The following ARHGEF10L variants were observed in gnomAD, a reference collection of about 807,000 sequenced individuals.
ARHGEF10L encodes rho guanine nucleotide exchange factor 10-like protein.
Under a neutral mutation model 141.2 loss-of-function variants are expected in ARHGEF10L, and 69 were observed. The ratio of observed to expected loss-of-function variants is 0.49; its 90% CI spans 0.40 to 0.60. The LOEUF is 0.60. ARHGEF10L is among the 20% of genes least tolerant of loss of function. ARHGEF10L has a pLI of 0.00. For missense variants in ARHGEF10L, 1,482 were observed against 1,734.3 expected (o/e 0.85, Z 2.58); for synonymous variants, 711 against 718.5 (o/e 0.99, Z 0.17).
intron 4 of ARHGEF10L, among the ~76,000 whole-genome samples, chr1:17,597,151 C>T (rs1056525594): frequency 4.6e-5 from 7 of 152,192 alleles, no homozygotes; most frequent in Non-Finnish European, 8.8e-5. Context: ...TCTCCTGCCC[C>T]TCACCATGGA....
intron 2 of ARHGEF10L, among the ~76,000 whole-genome samples, chr1:17,582,557 C>A (rs528843533): frequency 3.3e-5 from 5 of 152,310 alleles, no homozygotes; most frequent in African/African-American, 1.2e-4. Flanking sequence ...TCTTCAGCAC[C>A]CCCGGGGCAC....
intron 4 of ARHGEF10L, among the ~76,000 whole-genome samples, chr1:17,597,120 G>A (rs2080186979): frequency 6.6e-6 from 1 of 152,122 alleles, no homozygotes. Flanking sequence ...TTCTGCATCT[G>A]CTTCTGCCTT....
chr1:17,571,422 C>T (rs946909359), intron 1 of ARHGEF10L, among the ~76,000 whole-genome samples: 13 of 152,008 alleles, frequency 8.6e-5, no homozygotes, highest in African/African-American at 2.9e-4. Flanking sequence ...GGACAGGAGA[C>T]GGAGCATGGG....
chr1:17,695,922 C>T (rs546305193), intron 28 of ARHGEF10L, among the ~76,000 whole-genome samples: 92 of 152,042 alleles, frequency 6.1e-4, no homozygotes, highest in Non-Finnish European at 5.9e-4. Context: ...TTTGGCTGGG[C>T]GCGGTGGCTC....
intron 10 of ARHGEF10L, among the ~76,000 whole-genome samples, chr1:17,620,519 T>C (rs1054032416): frequency 7.2e-5 from 11 of 152,194 alleles, no homozygotes; most frequent in African/African-American, 2.4e-4. Flanking sequence ...CTGGGGATTG[T>C]TGACAATGGA....
intron 26 of ARHGEF10L, among the ~76,000 whole-genome samples, chr1:17,672,599 G>T (rs1027934657): frequency 2.6e-5 from 4 of 152,124 alleles, no homozygotes; most frequent in Non-Finnish European, 5.9e-5. Flanking sequence ...TGTCATTGTG[G>T]TTGTCACCCT....
At chr1:17,620,992 C>A (rs10218654) in intron 10 of ARHGEF10L, among the ~76,000 whole-genome samples, 1 of 152,014 alleles carries the variant, frequency 6.6e-6, no homozygotes, top group Non-Finnish European at 1.5e-5. Flanking sequence ...CCATGCTCGA[C>A]GGGGTACTGC....
chr1:17,600,392 C>T (rs1018214775), intron 4 of ARHGEF10L, among the ~76,000 whole-genome samples: 18 of 152,136 alleles, frequency 1.2e-4, no homozygotes, highest in African/African-American at 4.1e-4. Flanking sequence ...CATAAGTGGT[C>T]TTTGGTCTTT....
chr1:17,633,370 A>T (rs190595347), intron 16 of ARHGEF10L, among the ~76,000 whole-genome samples: 1 of 152,082 alleles, frequency 6.6e-6, no homozygotes. Flanking sequence ...TTGAGATGGA[A>T]TCTTGCTCTG....
chr1:17,598,166 A>G (rs1217743265), intron 4 of ARHGEF10L, among the ~76,000 whole-genome samples: 1 of 150,134 alleles, frequency 6.7e-6, no homozygotes, highest in African/African-American at 2.5e-5. Flanking sequence ...CAGTGGCACG[A>G]TCTCAGCTCA....
chr1:17,525,404 C>G, the ARHGEF10L span, among the ~76,000 whole-genome samples: 1 of 152,182 alleles, frequency 6.6e-6, no homozygotes, highest in African/African-American at 2.4e-5. Context: ...GCCTCTGCTC[C>G]CCACGCCATT....
rs144849203 is a variant in ARHGEF10L at position 17,592,509 on chromosome 1, C to G, written c.257+4030C>G. Among the ~76,000 whole-genome samples, 59 of 152,258 alleles carry G rather than the reference C, an allele frequency of 3.9e-4. 1 individual carries two copies. In the East Asian group the frequency reaches 0.01, roughly 27 times the overall value. ...GGGAGAGGACAGGGAGACTCATCTT[C>G]CCTGGATGTATCAGGGGCTGAGAGG... is the stretch of plus-strand genomic sequence containing the variant. On this transcript the variant is annotated intron_variant, in intron 4 of 28. Transcript: ENST00000361221.
chr1:17,634,395 TG>T, intron 16 of ARHGEF10L, 152 bp from the exon 17 acceptor site: 1 of 1,246,592 alleles, frequency 8.0e-7, no homozygotes, highest in Non-Finnish European at 1.2e-6. Context: ...TGTCCACACC[TG>T]GCCTCTGATG....
chr1:17,606,506 C>A (rs569087693), intron 6 of ARHGEF10L, among the ~76,000 whole-genome samples: 48 of 151,882 alleles, frequency 3.2e-4, no homozygotes, highest in African/African-American at 1.2e-3. Context: ...GTTGGCCAGG[C>A]TGGTCTTGAA....
chr1:17,567,374 A>AT lies in ARHGEF10L; in HGVS notation c.-43-13169dup, dbSNP rs981833369. On this transcript the variant is annotated intron_variant, in intron 1 of 28. Transcript: ENST00000361221. ...GTTTGCTGTCCCTAAATTGAGCAGA[A>AT]TTTTTTTTTTGAGATGTAGTCTCAC... Among the ~76,000 whole-genome samples the AT allele has an allele frequency of 3.1e-3, 463 of 150,600 alleles. 4 individuals are homozygous for AT. Among genetic ancestry groups the AT allele is most frequent in the African/African-American group, 9.3e-3 (380 of 41,034 alleles).
Position 17,619,529 on chromosome 1 carries a change from G to A in ARHGEF10L, c.942+84G>A. 8.9e-7 allele frequency: 1 copy of A among 1,120,894 alleles called. No homozygotes were observed. The highest frequency in any genetic ancestry group is 1.3e-6 in the Non-Finnish European group (1 of 790,156). 69.4% of individuals were successfully genotyped at this position (1,120,894 alleles called of 1,614,324 possible). A position where few individuals can be genotyped will look rare whatever the true frequency, so the allele number is the denominator to read the frequency against. On this transcript the variant is annotated intron_variant, in intron 10 of 28. Transcript: ENST00000361221. This position sits in a 1 kb window ranked among gnomAD's most constrained non-coding sequence, Gnocchi z 5.0. ...CAGCCTGTTCTCTGGGGCCACGCTT[G>A]TCTGGATCTCACAGGGGATATGATG...
At chr1:17,517,981 A>G in the ARHGEF10L span, among the ~76,000 whole-genome samples, 3 of 152,128 alleles carry the variant, frequency 2.0e-5, no homozygotes, top group Non-Finnish European at 2.9e-5. Flanking sequence ...TATTATTTTC[A>G]TCATCTAAGC....
At position 17,637,911 on chromosome 1, in the gene ARHGEF10L, C is replaced by T. The variant is rs530328790; in HGVS notation, c.1951C>T (p.Arg651Cys). The T allele has an allele frequency of 2.3e-5, 37 of 1,595,780 alleles. No individual in the cohort carries two copies. In the East Asian group the frequency reaches 2.5e-4, roughly 11 times the overall value. ...AQNKVYLGPP[R>C]LFQELQDLQK... is the part of the protein sequence containing the mutation. ...AGATAAGGTGTACCTCGGCCCCCCA[C>T]GCCTCTTCCAGGAGCTGCAGGACCT... The change falls in exon 19 of 29, where the codon CGC becomes TGC. Residue 651 changes from arginine (R) to cysteine (C), a missense_variant. By Grantham distance (180) the Arg-to-Cys change is radical (BLOSUM62 -3). Around this residue, in one of 3 missense-constraint regions of ARHGEF10L, gnomAD observed 858 missense variants for 966.3 expected, o/e 0.89. Coordinates refer to ENST00000361221, the MANE Select transcript of ARHGEF10L (RefSeq NM_018125.4).
chr1:17,652,249 C>T (rs1022977268), intron 22 of ARHGEF10L, among the ~76,000 whole-genome samples: 1 of 152,032 alleles, frequency 6.6e-6, no homozygotes, highest in African/African-American at 2.4e-5. Context: ...GGGCAGGAGG[C>T]AGGAGTAGGT....
Sources: gnomAD v4.1 joint callset for allele counts (sites outside exome capture counted in the v4.1 genomes callset) on GRCh38, gnomAD v4.1.1 for gene constraint, gnomAD v4.1.1 regional missense constraint, Gnocchi (gnomAD v3.1) non-coding constraint, MANE v1.5 for transcripts, NCBI Gene and HGNC (gene_info 2026-07-23, HGNC 2026-07-21) for gene names.